Variants in TET1 observed in about 807,000 individuals in gnomAD.
TET1 encodes methylcytosine dioxygenase TET1.
Under a neutral mutation model 148.7 loss-of-function variants are expected in TET1, and 13 were observed. The observed-to-expected ratio is 0.09, with a 90% CI of 0.06 to 0.14. TET1 has a LOEUF of 0.14. Ranked by LOEUF, TET1 falls within the 10% of genes least tolerant of loss-of-function variation. The pLI is 1.00. For synonymous variants in TET1, 907 were observed against 937.2 expected, an observed-to-expected ratio of 0.97 and a Z score of 0.59; for missense variants, 2,182 against 2,553.8, an observed-to-expected ratio of 0.85 and a Z score of 3.14.
chr10:68,682,327 C>T (rs768929339), intron 9 of TET1, among the ~76,000 whole-genome samples: 2 of 151,724 alleles, frequency 1.3e-5, no homozygotes, highest in Non-Finnish European at 2.9e-5. Context: ...TCCCAGGCTG[C>T]TCTCGAACTC....
rs781372537 is a variant in TET1 at position 68,574,030 on chromosome 10, G to A, written c.1692G>A (p.Met564Ile). 1.2e-6 allele frequency: 2 copies of A among 1,614,048 alleles called. No individual in the cohort carries two copies. Among genetic ancestry groups the A allele is most frequent in the East Asian group, 4.5e-5 (2 of 44,886 alleles). ...VHVVNTTVVT[M>I]PVPMVSTSSS... is the part of the protein sequence containing the mutation. Reference sequence around the variant, plus strand: ...TTGTCAACACCACAGTGGTGACTATGCCAGTGCCAATGGTCAGTACCTCCT... The same window carrying A: ...TTGTCAACACCACAGTGGTGACTATACCAGTGCCAATGGTCAGTACCTCCT... The change falls in exon 2 of 12, where the codon ATG (methionine) becomes ATA (isoleucine). Residue 564 changes from methionine (M) to isoleucine (I), a missense_variant. Coordinates refer to ENST00000373644, the MANE Select transcript of TET1 (RefSeq NM_030625.3).
Position 68,651,826 on chromosome 10 carries a change from T to C in TET1, c.4277-20T>C. On this transcript the variant is annotated intron_variant, in intron 4 of 11. Transcript: ENST00000373644. ...CAATTCTGTAAAGCTTTGGGTCTAA[T>C]AATCTTATTCCTTCCACAGATCGAG... The C allele has an allele frequency of 1.9e-6, 3 of 1,592,184 alleles. No homozygotes were observed. The highest frequency in any genetic ancestry group is 2.6e-6 in the Non-Finnish European group (3 of 1,166,942).
At position 68,678,721 on chromosome 10, in the gene TET1, CCA is replaced by C. The variant is rs2055397132; in HGVS notation, c.4825-2671_4825-2670del. On this transcript the variant is annotated intron_variant, in intron 8 of 11. Coordinates refer to ENST00000373644, the MANE Select transcript of TET1 (RefSeq NM_030625.3). ...GCTGAGATCGCACCACTGCACCCCCCCACACACAAAAAAAGAGTGGGAGAAGG... is the reference window on the plus strand; with the variant it reads ...GCTGAGATCGCACCACTGCACCCCCCCACACAAAAAAAGAGTGGGAGAAGG... Among the ~76,000 whole-genome samples, 4 of 151,418 alleles carry C rather than the reference CCA, an allele frequency of 2.6e-5. No homozygotes were observed. In the South Asian group the frequency reaches 8.4e-4, roughly 32 times the overall value.
rs1333721273 is a variant in TET1 at position 68,560,427 on chromosome 10, G to A, written c.-438G>A. On this transcript the variant is annotated 5_prime_UTR_variant, in exon 1 of 12. The change creates a new upstream start codon in the 5' untranslated region. Transcript: ENST00000373644. ...GCGCAGTCTGCTCCGGCGCCGCTTTGTGCGCGCAGCCGCTGGCCCCTCTAC... is the reference window on the plus strand; with the variant it reads ...GCGCAGTCTGCTCCGGCGCCGCTTTATGCGCGCAGCCGCTGGCCCCTCTAC... Among the ~76,000 whole-genome samples, 1 of 152,214 alleles carries A rather than the reference G, an allele frequency of 6.6e-6. No individual in the cohort carries two copies. Among genetic ancestry groups the A allele is most frequent in the Non-Finnish European group, 1.5e-5 (1 of 68,026 alleles).
rs139045422 is a variant in TET1 at position 68,577,594 on chromosome 10, G to A, written c.1914+3342G>A. Among the ~76,000 whole-genome samples, 78 of 152,114 alleles carry A rather than the reference G, an allele frequency of 5.1e-4. 4 individuals are homozygous for A. The East Asian group carries it at 0.015, about 29-fold the overall frequency. On this transcript the variant is annotated intron_variant, in intron 2 of 11. Coordinates refer to ENST00000373644, the MANE Select transcript of TET1 (RefSeq NM_030625.3). ...AGGCCAAGGCAGGCAGATCACCTGA[G>A]GTCAGGAGTTTGAGACCAGCCTGGC...
intron 2 of TET1, among the ~76,000 whole-genome samples, chr10:68,590,835 CT>C (rs908442143): frequency 1.8e-4 from 27 of 149,180 alleles, no homozygotes; most frequent in East Asian, 1.4e-3. Flanking sequence ...AAGCTATTTT[CT>C]TTTTTTTTTC....
intron 4 of TET1, among the ~76,000 whole-genome samples, chr10:68,651,548 T>C (rs2054935574): frequency 6.7e-6 from 1 of 149,752 alleles, no homozygotes; most frequent in South Asian, 2.2e-4. Flanking sequence ...CCTCAATTAA[T>C]ACAGATTTTT....
Position 68,574,159 on chromosome 10 carries a change from T to G in TET1, c.1821T>G (p.Thr607=), listed in dbSNP as rs755193924. ...AGAAGACCAACTGTGGTGAATGCAC[T>G]TACTGCAAGAACAGAAAGAACAGCC... ...CQQKTNCGEC[T]YCKNRKNSHQ... Residue 607 remains threonine (T), a synonymous_variant, in exon 2 of 12, where the codon ACT becomes ACG. Coordinates refer to ENST00000373644, the MANE Select transcript of TET1 (RefSeq NM_030625.3). 3.7e-6 allele frequency: 6 copies of G among 1,613,912 alleles called. No individual in the cohort carries two copies. In the Admixed American group the frequency reaches 1.0e-4, roughly 27 times the overall value.
intron 9 of TET1, 147 bp from the exon 10 acceptor site, chr10:68,682,689 C>T (rs2133224190): frequency 1.1e-6 from 1 of 887,752 alleles, no homozygotes; most frequent in Admixed American, 3.2e-5. Flanking sequence ...TGCTAAGCTA[C>T]ACCTTCATGA....
Position 68,575,959 on chromosome 10 carries a change from G to A in TET1, c.1914+1707G>A, listed in dbSNP as rs567917476. Among the ~76,000 whole-genome samples the A allele has an allele frequency of 2.7e-3, 400 of 150,566 alleles. 1 individual carries two copies. Among genetic ancestry groups the A allele is most frequent in the African/African-American group, 9.2e-3 (377 of 41,060 alleles). ...GGCGTGAACCCGGGAGGCGGAGCTT[G>A]CAGTGAGCCGAGATTGTGCCACTGC... On this transcript the variant is annotated intron_variant, in intron 2 of 11. Coordinates refer to ENST00000373644, the MANE Select transcript of TET1 (RefSeq NM_030625.3).
intron 2 of TET1, among the ~76,000 whole-genome samples, chr10:68,591,616 A>G (rs1244644384): frequency 1.3e-5 from 2 of 152,228 alleles, no homozygotes; most frequent in South Asian, 2.1e-4. Flanking sequence ...AACAGCCTAC[A>G]TAAAGGCCGG....
Position 68,691,407 on chromosome 10 carries a change from T to C in TET1, c.6004T>C (p.Leu2002=), listed in dbSNP as rs370704025. The change falls in exon 12 of 12, where the codon TTG becomes CTG. Residue 2002 remains leucine, a synonymous_variant. Coordinates refer to ENST00000373644, the MANE Select transcript of TET1 (RefSeq NM_030625.3). This position sits in a 1 kb window ranked among gnomAD's most constrained non-coding sequence, Gnocchi z 4.4. ...TTGGTCAGACAGTGAGCACATCTTT[T>C]TGGATGCAAATATTGGTGGGGTGGC... ...EYWSDSEHIF[L]DANIGGVAIA... 7.6e-5 allele frequency: 122 copies of C among 1,614,058 alleles called. No homozygotes were observed. Among genetic ancestry groups the C allele is most frequent in the Non-Finnish European group, 1.0e-4 (120 of 1,180,056 alleles).
chr10:68,629,920 TA>T (rs1166912826), intron 3 of TET1, among the ~76,000 whole-genome samples: 1 of 152,218 alleles, frequency 6.6e-6, no homozygotes, highest in East Asian at 1.9e-4. Flanking sequence ...AAGTGCTACA[TA>T]CTTAAAGTCA....
chr10:68,632,850 AAAG>A lies in TET1; in HGVS notation c.1969-11845_1969-11843del, dbSNP rs2054596100. On this transcript the variant is annotated intron_variant, in intron 3 of 11. Coordinates refer to ENST00000373644, the MANE Select transcript of TET1 (RefSeq NM_030625.3). The stretch of plus-strand genomic sequence containing the variant: ...GTTTAAGTTGTAAAAAAAAAAAAAA[AAAG>A]AAAGAAAACAAAATTGTCTTAAGAA... 2.1e-3 allele frequency: 1,609 copies of A among 762,058 alleles called. 7 individuals carry two copies. The highest frequency in any genetic ancestry group is 4.0e-3 in the Middle Eastern group (12 of 2,996). 47.2% of individuals were successfully genotyped at this position (762,058 alleles called of 1,614,324 possible).
intron 6 of TET1, among the ~76,000 whole-genome samples, chr10:68,659,210 T>A (rs1051229059): frequency 5.9e-5 from 9 of 152,164 alleles, no homozygotes; most frequent in Non-Finnish European, 7.4e-5. Flanking sequence ...AGTCAAACAG[T>A]GGATGGCCTC....
chr10:68,579,365 C>T (rs534182625), intron 2 of TET1, among the ~76,000 whole-genome samples: 1 of 152,252 alleles, frequency 6.6e-6, no homozygotes, highest in Non-Finnish European at 1.5e-5. Flanking sequence ...CATCCAAATT[C>T]TCTTGTTCTA....
In TET1 at chr10:68,624,689, TCTCTC is replaced by T. The variant is rs1564975257; in HGVS notation, c.1969-20008_1969-20004del. ...CTCTCTCTCTCTCTCTCTCTCTCTC[TCTCTC>T]TCTTTCTTTCTTTTCCTTCCTTCTT... On this transcript the variant is annotated intron_variant, in intron 3 of 11. Coordinates refer to ENST00000373644, the MANE Select transcript of TET1 (RefSeq NM_030625.3). Among the ~76,000 whole-genome samples, 25 of 130,136 alleles carry T rather than the reference TCTCTC, an allele frequency of 1.9e-4. 1 individual carries two copies. The highest frequency in any genetic ancestry group is 5.3e-4 in the African/African-American group (18 of 34,112). 85.4% of individuals were successfully genotyped at this position (130,136 alleles called of 152,430 possible). A position where few individuals can be genotyped will look rare whatever the true frequency, so the allele number is the denominator to read the frequency against.
chr10:68,578,538 C>G (rs752534805), intron 2 of TET1, among the ~76,000 whole-genome samples: 1 of 151,976 alleles, frequency 6.6e-6, no homozygotes, highest in Non-Finnish European at 1.5e-5. Flanking sequence ...GATTACTGCG[C>G]GTGGCTGATT....
In TET1 at chr10:68,572,371, A is replaced by G; in HGVS notation, c.33A>G (p.Arg11=). The part of the protein sequence containing the change: MSRSRHARPS[R]LVRKEDVNKK... ...GATCCCGCCATGCAAGGCCTTCCAG[A>G]TTAGTCAGGAAGGAAGATGTAAACA... The change falls in exon 2 of 12, where the codon AGA becomes AGG. Residue 11 remains arginine (R), a synonymous_variant. Transcript: ENST00000373644. The G allele has an allele frequency of 6.2e-7, 1 of 1,607,198 alleles. No homozygotes were observed. The highest frequency in any genetic ancestry group is 8.5e-7 in the Non-Finnish European group (1 of 1,178,434).
Sources: allele counts gnomAD v4.1 joint callset (sites outside exome capture counted in the v4.1 genomes callset), GRCh38; gene constraint gnomAD v4.1.1; non-coding constraint Gnocchi (gnomAD v3.1); transcripts MANE v1.5; gene names NCBI Gene and HGNC (gene_info 2026-07-23, HGNC 2026-07-21).